WDR41: variants seen among roughly 807,000 people sequenced by gnomAD.
The protein encoded by WDR41 is WD repeat-containing protein 41.
In WDR41, 63 loss-of-function variants were observed where a neutral mutation model predicts 69.3. The ratio of observed to expected loss-of-function variants is 0.91; its 90% CI spans 0.74 to 1.12. The LOEUF (loss-of-function observed/expected upper bound fraction) is 1.12, where lower values mean the gene tolerates loss of function less well. WDR41 is among the 50% of genes most tolerant of loss of function. WDR41 has a pLI of 0.00. For synonymous variants in WDR41, 185 were observed against 192.1 expected (o/e 0.96, Z 0.31); for missense variants, 543 against 534.5 (o/e 1.02, Z -0.16).
At position 77,582,702 on chromosome 5, in the gene WDR41, G is replaced by A. The variant is rs575037413; in HGVS notation, c.42+37777C>T. 2.2e-5 allele frequency: 35 copies of A among 1,596,114 alleles called. No homozygotes were observed. In the East Asian group the frequency reaches 6.0e-4, roughly 27 times the overall value. On this transcript the variant is annotated intron_variant, in intron 1 of 5. Coordinates refer to the WDR41 transcript ENST00000509971. ...TGAGCCCAAAGGTCCGAAAGGTGTT[G>A]CAGCTTCTTCGCCTTCGTCAAATCT...
At position 77,586,694 on chromosome 5, in the gene WDR41, AT is replaced by A. The variant is rs1201172538; in HGVS notation, c.42+33784del. On this transcript the variant is annotated intron_variant, in intron 1 of 5. Coordinates refer to the WDR41 transcript ENST00000509971. The stretch of plus-strand genomic sequence containing the variant: ...TATTTTGAAACATGCATGAAATCAA[AT>A]TTTTTTTTTTTTACTATTATCTAAA... Among the ~76,000 whole-genome samples, 289 of 137,060 alleles carry A rather than the reference AT, an allele frequency of 2.1e-3. 1 individual carries two copies. The South Asian group carries it at 0.021, about 10-fold the overall frequency. The allele number at this position is 137,060 out of a possible 152,430, so 89.9% of individuals were successfully genotyped here.
At chr5:77,458,549 A>T (rs1218912638) in intron 5 of WDR41, among the ~76,000 whole-genome samples, 1 of 152,180 alleles carries the variant, frequency 6.6e-6, no homozygotes, top group Non-Finnish European at 1.5e-5. Flanking sequence ...AAAACGTAGC[A>T]GAGCTTCTGT....
chr5:77,463,958 G>A (rs1362972563), intron 3 of WDR41, among the ~76,000 whole-genome samples: 5 of 152,012 alleles, frequency 3.3e-5, no homozygotes, highest in African/African-American at 1.2e-4. Context: ...AAGGTGAGAG[G>A]AAGATACTTC....
At chr5:77,542,878 C>T (rs1420326965) in intron 1 of WDR41, among the ~76,000 whole-genome samples, 2 of 152,096 alleles carry the variant, frequency 1.3e-5, no homozygotes, top group African/African-American at 4.8e-5. Context: ...ACCGGCAGAC[C>T]CCCTGATGGA....
rs183399885 is a variant in WDR41, at chr5:77,551,487, G to A, written c.43-61915C>T. 2.0e-3 allele frequency among the ~76,000 whole-genome samples: 310 copies of A among 151,716 alleles called. 2 individuals carry two copies. The highest frequency in any genetic ancestry group is 5.2e-3 in the African/African-American group (215 of 41,202). Reference sequence around the variant, plus strand: ...GAGGTCAGGAGTTTGAGGCCAGCCCGGCCAACATAGCGAAACCCTGTCGCT... The same window carrying A: ...GAGGTCAGGAGTTTGAGGCCAGCCCAGCCAACATAGCGAAACCCTGTCGCT... On this transcript the variant is annotated intron_variant, in intron 1 of 5. Coordinates refer to the WDR41 transcript ENST00000509971.
chr5:77,461,255 T>C (rs1800039859), intron 4 of WDR41, among the ~76,000 whole-genome samples: 1 of 152,232 alleles, frequency 6.6e-6, no homozygotes, highest in African/African-American at 2.4e-5. Flanking sequence ...TTTTATGCCC[T>C]TGTTTACATT....
chr5:77,599,122 T>TG (rs1491354563), intron 1 of WDR41, among the ~76,000 whole-genome samples: 3 of 101,056 alleles, frequency 3.0e-5, no homozygotes, highest in African/African-American at 1.1e-4. Flanking sequence ...AAAACATACG[T>TG]TTTTTTTTTT....
intron 8 of WDR41, among the ~76,000 whole-genome samples, chr5:77,442,878 C>A (rs369559849): frequency 1.1e-5 from 1 of 94,900 alleles, no homozygotes; most frequent in African/African-American, 4.9e-5. Context: ...GGCGACAGAG[C>A]GAGACTCTGT....
intron 1 of WDR41, among the ~76,000 whole-genome samples, chr5:77,586,278 T>A (rs1332970619): frequency 1.3e-5 from 2 of 150,010 alleles, no homozygotes; most frequent in East Asian, 3.9e-4. Context: ...CCCTTTTATA[T>A]TTTGTATTTA....
At chr5:77,440,066 C>T (rs1054670733) in intron 9 of WDR41, among the ~76,000 whole-genome samples, 8 of 152,110 alleles carry the variant, frequency 5.3e-5, no homozygotes, top group African/African-American at 1.9e-4. Context: ...TCTCCCCCCA[C>T]TACATAACAC....
At chr5:77,530,607 G>T (rs888495290) in intron 1 of WDR41, among the ~76,000 whole-genome samples, 4 of 151,660 alleles carry the variant, frequency 2.6e-5, no homozygotes, top group African/African-American at 9.7e-5. Flanking sequence ...TTGGGAGTTT[G>T]GGAAAATTCA....
intron 2 of WDR41, among the ~76,000 whole-genome samples, chr5:77,483,784 C>G (rs1581758003): frequency 6.6e-6 from 1 of 152,162 alleles, no homozygotes; most frequent in Non-Finnish European, 1.5e-5. Context: ...TAGATTTTGA[C>G]TCTGCCCTTT....
intron 1 of WDR41, among the ~76,000 whole-genome samples, chr5:77,501,840 A>T (rs1012712517): frequency 4.0e-5 from 6 of 151,028 alleles, no homozygotes; most frequent in Non-Finnish European, 7.4e-5. Flanking sequence ...TAGCATCAAC[A>T]TCAAAAAGGA....
intron 1 of WDR41, among the ~76,000 whole-genome samples, chr5:77,542,236 CAT>C (rs1252107619): frequency 6.6e-6 from 1 of 152,032 alleles, no homozygotes; most frequent in East Asian, 1.9e-4. Flanking sequence ...AACATGGACA[CAT>C]GGGGGAGAAG....
intron 1 of WDR41, among the ~76,000 whole-genome samples, chr5:77,615,687 C>CAAAAAA (rs10695519): frequency 3.8e-5 from 3 of 79,380 alleles, no homozygotes; most frequent in African/African-American, 4.8e-5. Context: ...TACTGCAAGT[C>CAAAAAA]AAAAAAAAAA....
At chr5:77,443,799 A>G (rs1799265998) in intron 8 of WDR41, among the ~76,000 whole-genome samples, 1 of 151,852 alleles carries the variant, frequency 6.6e-6, no homozygotes, top group Admixed American at 6.6e-5. Flanking sequence ...TGATACCTCC[A>G]TGCAGTAGAA....
At chr5:77,502,349 C>T (rs1408014342) in intron 1 of WDR41, among the ~76,000 whole-genome samples, 3 of 151,912 alleles carry the variant, frequency 2.0e-5, no homozygotes, top group Non-Finnish European at 4.4e-5. Flanking sequence ...TGACCAAAGC[C>T]TCCGAGAAAT....
upstream of WDR41, among the ~76,000 whole-genome samples, chr5:77,496,840 C>T (rs1478030640): frequency 6.6e-6 from 1 of 152,148 alleles, no homozygotes; most frequent in East Asian, 1.9e-4. Flanking sequence ...GGAGGACTCA[C>T]ACTTCCCAAC....
At chr5:77,536,678 A>G (rs894504278) in intron 1 of WDR41, among the ~76,000 whole-genome samples, 2 of 152,156 alleles carry the variant, frequency 1.3e-5, no homozygotes, top group Non-Finnish European at 2.9e-5. Context: ...AATACTTACT[A>G]TTGGGTTACA....
Sources: allele counts gnomAD v4.1 joint callset (sites outside exome capture counted in the v4.1 genomes callset), GRCh38; gene constraint gnomAD v4.1.1; transcripts MANE v1.5; gene names NCBI Gene and HGNC (gene_info 2026-07-23, HGNC 2026-07-21).